TMEM132D: variants seen among roughly 807,000 people sequenced by gnomAD.
TMEM132D encodes transmembrane protein 132D, also known as mature OL transmembrane protein.
In TMEM132D, 21 loss-of-function variants were observed where a neutral mutation model predicts 62.3. The ratio of observed to expected loss-of-function variants is 0.34; its 90% CI spans 0.24 to 0.49. The LOEUF (loss-of-function observed/expected upper bound fraction) is 0.49, where lower values mean the gene tolerates loss of function less well. Ranked by LOEUF, TMEM132D falls within the 20% of genes least tolerant of loss-of-function variation. The pLI is 0.99. For missense variants in TMEM132D, 1,346 were observed against 1,402.8 expected (o/e 0.96, Z 0.65); for synonymous variants, 621 against 575.6 (o/e 1.08, Z -1.13).
intron 4 of TMEM132D, among the ~76,000 whole-genome samples, chr12:129,230,091 G>C (rs1017004989): frequency 6.6e-6 from 1 of 152,224 alleles, no homozygotes; most frequent in Non-Finnish European, 1.5e-5. Context: ...TCAATCTGGG[G>C]TTTTAAATTG....
chr12:129,185,323 GA>G (rs1224004006), intron 5 of TMEM132D, among the ~76,000 whole-genome samples: 7 of 151,770 alleles, frequency 4.6e-5, no homozygotes, highest in African/African-American at 1.7e-4. Flanking sequence ...AGCAGTTACA[GA>G]AAAAAAGAAT....
Position 129,160,037 on chromosome 12 carries a change from C to G in TMEM132D, c.1443+49483G>C, listed in dbSNP as rs371885621. 3.3e-4 allele frequency among the ~76,000 whole-genome samples: 50 copies of G among 152,252 alleles called. No individual in the cohort carries two copies. In the Middle Eastern group the frequency reaches 0.014, roughly 41 times the overall value. ...CATGGAGCAAGGATGAAACACCCTCCATTGAAAGGAGAGGAAAAAGCTTGT... is the reference window on the plus strand; with the variant it reads ...CATGGAGCAAGGATGAAACACCCTCGATTGAAAGGAGAGGAAAAAGCTTGT... On this transcript the variant is annotated intron_variant, in intron 5 of 8. Coordinates refer to ENST00000422113, the MANE Select transcript of TMEM132D (RefSeq NM_133448.3).
intron 5 of TMEM132D, among the ~76,000 whole-genome samples, chr12:129,177,442 G>T (rs1280936045): frequency 6.6e-6 from 1 of 152,176 alleles, no homozygotes. Context: ...AGGATGAGGT[G>T]GTTGCCAGTG....
chr12:129,222,958 T>G (rs750567892), intron 4 of TMEM132D, among the ~76,000 whole-genome samples: 3 of 152,172 alleles, frequency 2.0e-5, no homozygotes, highest in Non-Finnish European at 4.4e-5. Flanking sequence ...ATTAGCTTGA[T>G]AGTGGCAATC....
At chr12:129,747,569 GACAC>G (rs142743881) in intron 1 of TMEM132D, among the ~76,000 whole-genome samples, 4 of 144,270 alleles carry the variant, frequency 2.8e-5, no homozygotes, top group Admixed American at 7.0e-5. Flanking sequence ...CACACTTTCA[GACAC>G]ACACACACAC....
At chr12:129,623,857 T>C (rs977872773) in intron 2 of TMEM132D, among the ~76,000 whole-genome samples, 8 of 152,042 alleles carry the variant, frequency 5.3e-5, no homozygotes, top group East Asian at 1.9e-4. Context: ...CAATTGTGAA[T>C]TGTGCTGCAA....
rs186187672 is a variant in TMEM132D at position 129,494,771 on chromosome 12, T to C, written c.1115+36288A>G. ...AATCGGAAGTCATCATCCTGGCCTC[T>C]GAGTCCCCATGTGATCCAATCCTTA... On this transcript the variant is annotated intron_variant, in intron 3 of 8. Transcript: ENST00000422113. Among the ~76,000 whole-genome samples the C allele has an allele frequency of 9.2e-5, 14 of 152,288 alleles. 1 individual carries two copies. The East Asian group carries it at 2.7e-3, about 29-fold the overall frequency.
intron 5 of TMEM132D, among the ~76,000 whole-genome samples, chr12:129,093,237 C>G (rs1874989776): frequency 6.6e-6 from 1 of 152,154 alleles, no homozygotes. Flanking sequence ...ATTTGGTCCC[C>G]TCCCTAAATT....
intron 4 of TMEM132D, among the ~76,000 whole-genome samples, chr12:129,264,700 A>G (rs372492216): frequency 2.0e-5 from 3 of 152,236 alleles, no homozygotes; most frequent in African/African-American, 7.2e-5. Context: ...GGATAAAGAA[A>G]TTGTGGTATA....
At chr12:129,245,058 A>T (rs12424531) in intron 4 of TMEM132D, among the ~76,000 whole-genome samples, 1 of 152,010 alleles carries the variant, frequency 6.6e-6, no homozygotes, top group African/African-American at 2.4e-5. Context: ...ATCAATCCTG[A>T]TATATTACTA....
chr12:129,474,509 G>C (rs1261655221), intron 3 of TMEM132D, among the ~76,000 whole-genome samples: 1 of 152,164 alleles, frequency 6.6e-6, no homozygotes, highest in Non-Finnish European at 1.5e-5. Context: ...GCAGTCTGCA[G>C]GCTTGACTTC....
intron 2 of TMEM132D, among the ~76,000 whole-genome samples, chr12:129,558,805 G>A (rs998735621): frequency 3.9e-5 from 6 of 152,204 alleles, no homozygotes; most frequent in African/African-American, 1.4e-4. Flanking sequence ...AGACAGCATA[G>A]CCTCAACTCA....
At chr12:129,482,430 C>G (rs1050843068) in intron 3 of TMEM132D, among the ~76,000 whole-genome samples, 5 of 152,146 alleles carry the variant, frequency 3.3e-5, no homozygotes, top group Non-Finnish European at 7.3e-5. Flanking sequence ...ATATACAACT[C>G]TAGTTTTGTA....
intron 3 of TMEM132D, among the ~76,000 whole-genome samples, chr12:129,459,973 G>C (rs1241137719): frequency 1.3e-5 from 2 of 152,162 alleles, no homozygotes; most frequent in Admixed American, 1.3e-4. Flanking sequence ...TGCTTCCAAG[G>C]TGTGTTATTT....
chr12:129,192,084 G>A (rs569785788), intron 5 of TMEM132D, among the ~76,000 whole-genome samples: 2 of 152,264 alleles, frequency 1.3e-5, no homozygotes, highest in South Asian at 4.1e-4. Context: ...GAGGCACAGT[G>A]TTCACTTCTG....
intron 5 of TMEM132D, among the ~76,000 whole-genome samples, chr12:129,203,672 T>C (rs1472724451): frequency 2.0e-5 from 3 of 152,230 alleles, no homozygotes; most frequent in African/African-American, 7.2e-5. Context: ...CTCCACCCTC[T>C]CTTGCCTCCC....
intron 5 of TMEM132D, among the ~76,000 whole-genome samples, chr12:129,161,663 A>G (rs746283503): frequency 6.6e-6 from 1 of 152,200 alleles, no homozygotes; most frequent in Non-Finnish European, 1.5e-5. Flanking sequence ...AGTCATTGAA[A>G]TTGTTACCCA....
At chr12:129,850,613 T>TAA (rs1873508606) in intron 1 of TMEM132D, among the ~76,000 whole-genome samples, 1 of 152,190 alleles carries the variant, frequency 6.6e-6, no homozygotes. Context: ...ATGGACAGGG[T>TAA]ATTTTATACA....
intron 5 of TMEM132D, among the ~76,000 whole-genome samples, chr12:129,086,199 C>CGTGTGTGTGT (rs370714970): frequency 2.9e-4 from 34 of 116,176 alleles, no homozygotes; most frequent in South Asian, 1.4e-3. Flanking sequence ...GTCACGCGCG[C>CGTGTGTGTGT]GCGTGTGTGT....
Sources: allele counts gnomAD v4.1 joint callset (sites outside exome capture counted in the v4.1 genomes callset), GRCh38; gene constraint gnomAD v4.1.1; transcripts MANE v1.5; gene names NCBI Gene and HGNC (gene_info 2026-07-23, HGNC 2026-07-21).